MAST2: variants seen among roughly 807,000 people sequenced by gnomAD.
MAST2 encodes the protein microtubule-associated serine/threonine-protein kinase 2.
A neutral mutation model predicts 147.4 loss-of-function variants in MAST2; 70 were observed. That is an observed-to-expected ratio of 0.47 (90% CI 0.39 to 0.58). MAST2 has a LOEUF of 0.58. Among genes scored for constraint, MAST2 ranks in the 20% least tolerant of loss-of-function variants. The pLI is 0.00. For synonymous variants in MAST2, 869 were observed against 896.8 expected (o/e 0.97, Z 0.55); for missense variants, 2,080 against 2,302.3 (o/e 0.90, Z 1.98).
At chr1:45,959,581 C>T in intron 5 of MAST2, 104 bp downstream of exon 5, 1 of 927,680 alleles carries the variant, frequency 1.1e-6, no homozygotes, top group Non-Finnish European at 1.7e-6. Flanking sequence ...TACATTGTCA[C>T]TTTACTTGGC....
At chr1:45,844,231 T>C (rs1292944789) in intron 3 of MAST2, among the ~76,000 whole-genome samples, 3 of 151,978 alleles carry the variant, frequency 2.0e-5, no homozygotes, top group Non-Finnish European at 4.4e-5. Flanking sequence ...TCCTGAGTAG[T>C]TGGGACTACA....
rs765359426 is a variant in MAST2 at position 45,993,131 on chromosome 1, ATAT to A, written c.593-4584_593-4582del. On this transcript the variant is annotated intron_variant, in intron 5 of 28. Coordinates refer to ENST00000361297, the MANE Select transcript of MAST2 (RefSeq NM_015112.3). ...CCCACACTATTATTTAATAGTAATA[ATAT>A]TATTATTAATTAAACATTTACTGCT... Among the ~76,000 whole-genome samples the A allele has an allele frequency of 5.9e-5, 9 of 151,900 alleles. No homozygotes were observed. In the East Asian group the frequency reaches 1.3e-3, roughly 23 times the overall value.
In MAST2 at chr1:46,002,758, A is replaced by C. The variant is rs143272546; in HGVS notation, c.669-47A>C. 295 of 1,557,858 alleles carry C rather than the reference A, an allele frequency of 1.9e-4. 5 individuals are homozygous for C. In the African/African-American group the frequency reaches 3.1e-3, roughly 16 times the overall value. ...TGAACAGACAGGCAGGTTGTGGGTC[A>C]GGGTGTAGTCCTGCAGAAACTGCCT... On this transcript the variant is annotated intron_variant, in intron 6 of 28. Transcript: ENST00000361297.
chr1:45,838,095 T>C (rs544190276), intron 3 of MAST2, among the ~76,000 whole-genome samples: 3 of 151,890 alleles, frequency 2.0e-5, no homozygotes, highest in African/African-American at 4.8e-5. Context: ...TTTTAAATTT[T>C]AGCCATACTA....
chr1:45,894,139 C>T (rs1648325397), intron 4 of MAST2, among the ~76,000 whole-genome samples: 1 of 151,846 alleles, frequency 6.6e-6, no homozygotes, highest in Non-Finnish European at 1.5e-5. Flanking sequence ...TTGCTTGAGC[C>T]TGGGAGGTGG....
At chr1:45,872,461 T>G (rs1228032553) in intron 3 of MAST2, among the ~76,000 whole-genome samples, 2 of 151,720 alleles carry the variant, frequency 1.3e-5, no homozygotes, top group Non-Finnish European at 2.9e-5. Context: ...TCCTCATCTG[T>G]GGGAATAGCA....
chr1:45,976,431 T>C (rs1231229360), intron 5 of MAST2, among the ~76,000 whole-genome samples: 1 of 152,182 alleles, frequency 6.6e-6, no homozygotes, highest in Non-Finnish European at 1.5e-5. Flanking sequence ...ACCCCATCTC[T>C]ATTAAAAATA....
chr1:46,030,162 A>G lies in MAST2; in HGVS notation c.2477A>G (p.Glu826Gly), dbSNP rs1226174707. Residue 826 changes from glutamate to glycine, a missense_variant, in exon 21 of 29, where the codon GAG becomes GGG. Around this residue, in one of 4 missense-constraint regions of MAST2, gnomAD observed 1,278 missense variants for 1,304.2 expected, o/e 0.98. Transcript: ENST00000361297. ...GAGCGATACCACCACATGGACTCGG[A>G]GGATGAGGAAGAAGTGAGTGAGGAT... ...RSERYHHMDS[E>G]DEEEVSEDGC... 2 of 1,614,180 alleles carry G rather than the reference A, an allele frequency of 1.2e-6. No homozygotes were observed. The highest frequency in any genetic ancestry group is 1.7e-6 in the Non-Finnish European group (2 of 1,180,030).
At chr1:45,975,875 C>T (rs1252130670) in intron 5 of MAST2, among the ~76,000 whole-genome samples, 1 of 151,882 alleles carries the variant, frequency 6.6e-6, no homozygotes, top group East Asian at 1.9e-4. Context: ...TTTACAAGTG[C>T]CATAAATCCC....
intron 2 of MAST2, 44 bp downstream of exon 2, chr1:45,824,624 G>T: frequency 6.5e-7 from 1 of 1,528,420 alleles, no homozygotes; most frequent in South Asian, 1.3e-5. Flanking sequence ...GGGACCATGT[G>T]GTCAATATTT....
chr1:45,852,706 A>G (rs1374964424), intron 3 of MAST2, among the ~76,000 whole-genome samples: 1 of 152,058 alleles, frequency 6.6e-6, no homozygotes, highest in Non-Finnish European at 1.5e-5. Flanking sequence ...ACCATATAGT[A>G]TATAACCTTT....
At chr1:45,896,357 C>T (rs976100214) in intron 4 of MAST2, among the ~76,000 whole-genome samples, 6 of 151,750 alleles carry the variant, frequency 4.0e-5, no homozygotes, top group South Asian at 2.1e-4. Flanking sequence ...TAATATTTAC[C>T]GGTTTATAGG....
chr1:46,023,132 C>A lies in MAST2; in HGVS notation c.1486-101C>A. ...TCCCAGAAGAATGAGCAGGAGACTG[C>A]ACTAGAGCTGACAGCTGAGAAGATG... On this transcript the variant is annotated intron_variant, in intron 13 of 28. Transcript: ENST00000361297. This position sits in a 1 kb window ranked among gnomAD's most constrained non-coding sequence, Gnocchi z 4.9. 1.6e-6 allele frequency: 2 copies of A among 1,253,852 alleles called. No homozygotes were observed. The highest frequency in any genetic ancestry group is 2.3e-6 in the Non-Finnish European group (2 of 853,742). 77.7% of individuals were successfully genotyped at this position (1,253,852 alleles called of 1,614,324 possible). A position where few individuals can be genotyped will look rare whatever the true frequency, so the allele number is the denominator to read the frequency against.
At chr1:45,966,458 G>A (rs897787813) in intron 5 of MAST2, among the ~76,000 whole-genome samples, 5 of 152,036 alleles carry the variant, frequency 3.3e-5, no homozygotes, top group South Asian at 2.1e-4. Flanking sequence ...CAAGCTGGGC[G>A]TGGTGGCTCA....
chr1:45,846,975 A>T, intron 3 of MAST2: 1 of 249,728 alleles, frequency 4.0e-6, no homozygotes, highest in Non-Finnish European at 8.4e-6. Context: ...ATTTATTTTG[A>T]ATTCAAGTGA....
Position 46,031,467 on chromosome 1 carries a change from G to A in MAST2, c.3069G>A (p.Val1023=), listed in dbSNP as rs1421732294. ...CCAAGGCCATCAGTGACCTGGCTGT[G>A]CGTAGGGCCCGCCACCGGCTGCTCT... ...ATAKAISDLA[V]RRARHRLLSG... The change falls in exon 24 of 29, where the codon GTG becomes GTA. Residue 1023 remains valine (V), a synonymous_variant. Transcript: ENST00000361297. The surrounding 1 kb of genome is among the most constrained non-coding windows in gnomAD (Gnocchi z 4.1). 3 of 1,614,156 alleles carry A rather than the reference G, an allele frequency of 1.9e-6. No individual in the cohort carries two copies. In the Admixed American group the frequency reaches 5.0e-5, roughly 27 times the overall value.
rs140002492 is a variant in MAST2, at chr1:45,831,692, C to T, written c.468+2111C>T. ...TTCAAAGCAAGTCACAGACTAATTA[C>T]GATACCTCATCCTTAAGTATTTCTC... On this transcript the variant is annotated intron_variant, in intron 3 of 28. Coordinates refer to ENST00000361297, the MANE Select transcript of MAST2 (RefSeq NM_015112.3). Among the ~76,000 whole-genome samples, 309 of 152,044 alleles carry T rather than the reference C, an allele frequency of 2.0e-3. 1 individual carries two copies. Among genetic ancestry groups the T allele is most frequent in the Middle Eastern group, 6.8e-3 (2 of 292 alleles).
At chr1:45,974,717 A>G (rs1449827912) in intron 5 of MAST2, among the ~76,000 whole-genome samples, 1 of 152,222 alleles carries the variant, frequency 6.6e-6, no homozygotes, top group African/African-American at 2.4e-5. Context: ...ACTAAGAAGT[A>G]TGGTCTGATT....
intron 1 of MAST2, among the ~76,000 whole-genome samples, chr1:45,811,126 C>T (rs1341909175): frequency 1.3e-5 from 2 of 149,910 alleles, no homozygotes; most frequent in Non-Finnish European, 3.0e-5. Context: ...GTTGGGATTA[C>T]AGGCGTGGGC....
Sources: gnomAD v4.1 joint callset for allele counts (sites outside exome capture counted in the v4.1 genomes callset) on GRCh38, gnomAD v4.1.1 for gene constraint, gnomAD v4.1.1 regional missense constraint, Gnocchi (gnomAD v3.1) non-coding constraint, MANE v1.5 for transcripts, NCBI Gene and HGNC (gene_info 2026-07-23, HGNC 2026-07-21) for gene names.